The following MIA2 variants were observed in gnomAD, a reference collection of about 807,000 sequenced individuals.
MIA2 encodes MIA SH3 domain ER export factor 2.
A neutral mutation model predicts 167.8 loss-of-function variants in MIA2; 127 were observed. The ratio of observed to expected loss-of-function variants is 0.76; its 90% CI spans 0.66 to 0.88. MIA2 has a LOEUF of 0.88. Ranked by LOEUF, MIA2 falls within the 40% of genes least tolerant of loss-of-function variation. The probability of loss-of-function intolerance (pLI) is 0.00; values close to 1 mark genes in which losing one functional copy is unlikely to be tolerated. For synonymous variants in MIA2, 552 were observed against 541.9 expected (o/e 1.02, Z -0.26); for missense variants, 1,690 against 1,624.7 (o/e 1.04, Z -0.69).
rs547079221 is a variant in MIA2, at chr14:39,249,395, G to A, written c.1567+1254G>A. ...AGGCTCAAGGGATCCTCCCACTTCAGCCTCTCAAAGTGCTGGGAATACAGG... is the reference window on the plus strand; with the variant it reads ...AGGCTCAAGGGATCCTCCCACTTCAACCTCTCAAAGTGCTGGGAATACAGG... On this transcript the variant is annotated intron_variant, in intron 4 of 28. Transcript: ENST00000640607. 6.6e-5 allele frequency among the ~76,000 whole-genome samples: 10 copies of A among 151,918 alleles called. No homozygotes were observed. In the East Asian group the frequency reaches 1.2e-3, roughly 18 times the overall value.
At chr14:39,354,281 A>T (rs1434564108), downstream of MIA2, among the ~76,000 whole-genome samples, 3 of 152,172 alleles carry the variant, frequency 2.0e-5, no homozygotes, top group East Asian at 5.8e-4. Context: ...ATGGTATCTC[A>T]TTGTGGTTTT....
chr14:39,306,991 T>A (rs1308867752), intron 17 of MIA2, among the ~76,000 whole-genome samples: 1 of 152,200 alleles, frequency 6.6e-6, no homozygotes. Context: ...TAGATTTTTT[T>A]AAAGATGGCT....
At chr14:39,317,883 A>G in intron 21 of MIA2, 61 bp from the exon 22 acceptor site, 1 of 1,115,712 alleles carries the variant, frequency 9.0e-7, no homozygotes, top group Non-Finnish European at 1.3e-6. Flanking sequence ...ATATTGACAT[A>G]TTTATGCTTA....
At chr14:39,300,092 C>T in intron 14 of MIA2, 106 bp downstream of exon 14, 3 of 1,420,472 alleles carry the variant, frequency 2.1e-6, no homozygotes, top group South Asian at 1.3e-5. Context: ...AACATATTTT[C>T]ATAACATATT....
At chr14:39,328,456 G>A (rs2068040303) in intron 25 of MIA2, among the ~76,000 whole-genome samples, 1 of 152,150 alleles carries the variant, frequency 6.6e-6, no homozygotes, top group Non-Finnish European at 1.5e-5. Flanking sequence ...CTGTGCAGAA[G>A]CTCTTCAGTT....
intron 24 of MIA2, 22 bp downstream of exon 24, chr14:39,321,078 A>G (rs200275894): frequency 1.3e-6 from 2 of 1,586,748 alleles, no homozygotes; most frequent in Non-Finnish European, 1.7e-6. Flanking sequence ...AAACATCTTT[A>G]TTACTCTAGA....
intron 19 of MIA2, 27 bp from the exon 20 acceptor site, chr14:39,314,712 A>G: frequency 6.4e-7 from 1 of 1,562,958 alleles, no homozygotes; most frequent in Non-Finnish European, 8.7e-7. Flanking sequence ...ATATGTTAAT[A>G]GTAGAATAAT....
At position 39,279,512 on chromosome 14, in the gene MIA2, A is replaced by T. The variant is rs936088497; in HGVS notation, c.2105A>T (p.Glu702Val). The T allele has an allele frequency of 7.5e-6, 12 of 1,606,820 alleles. No homozygotes were observed. Among genetic ancestry groups the T allele is most frequent in the Non-Finnish European group, 1.0e-5 (12 of 1,178,092 alleles). Residue 702 changes from glutamate (E) to valine (V), a missense_variant, in exon 9 of 29, where the codon GAA (glutamate) becomes GTA (valine). Coordinates refer to ENST00000640607, the MANE Select transcript of MIA2 (RefSeq NM_001329214.4). ...GLIEEKSKLL[E>V]KFSLVQKEYE... ...ATTGAAGAAAAAAGTAAACTACTTG[A>T]AAAATTTAGCCTTGTTCAAAAAGAG...
At chr14:39,240,533 C>T (rs1310389348) in intron 2 of MIA2, 28 bp from the exon 3 acceptor site, 28 of 1,540,040 alleles carry the variant, frequency 1.8e-5, no homozygotes, top group Admixed American at 3.4e-5. Flanking sequence ...CATTCTTCCT[C>T]GATAATCTTT....
chr14:39,317,780 T>A (rs1446739450), intron 21 of MIA2, among the ~76,000 whole-genome samples, 164 bp from the exon 22 acceptor site: 2 of 152,106 alleles, frequency 1.3e-5, no homozygotes, highest in Non-Finnish European at 2.9e-5. Flanking sequence ...TCTTTCAGAG[T>A]CTAAGTCTTA....
intron 4 of MIA2, among the ~76,000 whole-genome samples, chr14:39,250,957 G>A (rs1566599586): frequency 6.6e-6 from 1 of 151,778 alleles, no homozygotes; most frequent in Non-Finnish European, 1.5e-5. Flanking sequence ...AAAGCAACAC[G>A]AGATCATGCA....
intron 24 of MIA2, among the ~76,000 whole-genome samples, chr14:39,325,409 C>T (rs1425792672): frequency 6.7e-6 from 1 of 149,566 alleles, no homozygotes; most frequent in Non-Finnish European, 1.5e-5. Flanking sequence ...GCTCTATCCC[C>T]CAGACTGGTG....
intron 6 of MIA2, chr14:39,269,140 A>G: frequency 2.5e-6 from 2 of 787,096 alleles, no homozygotes; most frequent in Non-Finnish European, 3.0e-6. Context: ...AGGATGGCAC[A>G]ACATTGTTCC....
chr14:39,376,035 C>T (rs1312719301), intron 23 of MIA2, among the ~76,000 whole-genome samples: 1 of 152,152 alleles, frequency 6.6e-6, no homozygotes, highest in Middle Eastern at 3.2e-3. Context: ...CTCACTGCAA[C>T]CTCCACCTCC....
chr14:39,327,030 A>C lies in MIA2; in HGVS notation c.3655+8A>C. 1 of 1,483,652 alleles carries C rather than the reference A, an allele frequency of 6.7e-7. No homozygotes were observed. The highest frequency in any genetic ancestry group is 8.9e-7 in the Non-Finnish European group (1 of 1,120,418). 91.9% of individuals were successfully genotyped at this position (1,483,652 alleles called of 1,614,324 possible). A position where few individuals can be genotyped will look rare whatever the true frequency, so the allele number is the denominator to read the frequency against. On this transcript the variant is annotated splice_region_variant and intron_variant, in intron 25 of 28. Transcript: ENST00000640607. Reference sequence around the variant, plus strand: ...TGATGTTTCCTCCGCCAGGTATGTAAAGACAATAGTTATTATTTCTCTTTG... The same window carrying C: ...TGATGTTTCCTCCGCCAGGTATGTACAGACAATAGTTATTATTTCTCTTTG...
chr14:39,271,614 G>C (rs890698825), intron 6 of MIA2, among the ~76,000 whole-genome samples: 1 of 152,004 alleles, frequency 6.6e-6, no homozygotes, highest in Non-Finnish European at 1.5e-5. Flanking sequence ...TCAGTTTAGG[G>C]AGTATTGCTC....
intron 2 of MIA2, among the ~76,000 whole-genome samples, chr14:39,238,443 G>C (rs2053868482): frequency 6.6e-6 from 1 of 152,262 alleles, no homozygotes; most frequent in East Asian, 1.9e-4. Flanking sequence ...AAAGGGCTGG[G>C]ATTACAGGCG....
intron 13 of MIA2, among the ~76,000 whole-genome samples, chr14:39,299,259 G>A (rs539727450): frequency 8.2e-4 from 120 of 145,932 alleles, no homozygotes; most frequent in Non-Finnish European, 1.4e-3. Context: ...ATATATAGTA[G>A]AATACTGTTG....
chr14:39,324,742 G>T (rs554060460), intron 24 of MIA2, among the ~76,000 whole-genome samples: 6 of 152,118 alleles, frequency 3.9e-5, no homozygotes, highest in Non-Finnish European at 8.8e-5. Context: ...GAGTAGCTGG[G>T]ATTACAGGCA....
Sources: allele counts gnomAD v4.1 joint callset (sites outside exome capture counted in the v4.1 genomes callset), GRCh38; gene constraint gnomAD v4.1.1; transcripts MANE v1.5; gene names NCBI Gene and HGNC (gene_info 2026-07-23, HGNC 2026-07-21).